Variants in MDGA2 observed in about 807,000 individuals in gnomAD.
The protein encoded by MDGA2 is MAM domain-containing glycosylphosphatidylinositol anchor protein 2.
MDGA2 carries 40 observed loss-of-function variants against 117.8 expected under a neutral mutation model. The ratio of observed to expected loss-of-function variants is 0.34; its 90% confidence interval spans 0.26 to 0.44. The LOEUF (loss-of-function observed/expected upper bound fraction) is 0.44, where lower values mean the gene tolerates loss of function less well. Ranked by LOEUF, MDGA2 falls within the 20% of genes least tolerant of loss-of-function variation. The probability of loss-of-function intolerance (pLI) is 1.00; values close to 1 mark genes in which losing one functional copy is unlikely to be tolerated. For synonymous variants in MDGA2, 452 were observed against 439.0 expected (o/e 1.03, Z -0.37); for missense variants, 1,123 against 1,250.6 (o/e 0.90, Z 1.54).
intron 3 of MDGA2, among the ~76,000 whole-genome samples, chr14:47,179,192 A>T (rs180968726): frequency 2.7e-3 from 404 of 152,204 alleles, no homozygotes; most frequent in South Asian, 5.8e-3. Context: ...AATAATAATT[A>T]AATAATAATT....
chr14:47,105,011 C>T (rs1050631041), intron 5 of MDGA2, among the ~76,000 whole-genome samples: 1 of 152,178 alleles, frequency 6.6e-6, no homozygotes, highest in African/African-American at 2.4e-5. Flanking sequence ...GCACCGGTCA[C>T]GGACTTGGAA....
rs570103742 is a variant in MDGA2 at position 47,400,758 on chromosome 14, CTTT to C, written c.281-99211_281-99209del. On this transcript the variant is annotated intron_variant, in intron 1 of 16. Coordinates refer to ENST00000399232, the MANE Select transcript of MDGA2 (RefSeq NM_001113498.3). ...TTTTCTTTTTCTTTTCTTTTCTTTTCTTTTTTTTTTTTTTTTGAGACGGAGTCT... is the reference window on the plus strand; with the variant it reads ...TTTTCTTTTTCTTTTCTTTTCTTTTCTTTTTTTTTTTTTGAGACGGAGTCT... Among the ~76,000 whole-genome samples the C allele has an allele frequency of 3.3e-3, 217 of 66,204 alleles. 4 individuals carry two copies. The highest frequency in any genetic ancestry group is 0.011 in the African/African-American group (205 of 18,634). 43.4% of individuals were successfully genotyped at this position (66,204 alleles called of 152,430 possible). A position where few individuals can be genotyped will look rare whatever the true frequency, so the allele number is the denominator to read the frequency against.
At chr14:47,268,962 G>A (rs1888056501) in intron 2 of MDGA2, among the ~76,000 whole-genome samples, 1 of 152,062 alleles carries the variant, frequency 6.6e-6, no homozygotes, top group Non-Finnish European at 1.5e-5. Context: ...GGATTATAAA[G>A]TTTTCACAGA....
At chr14:47,115,897 ACTT>A (rs1881303271) in intron 5 of MDGA2, among the ~76,000 whole-genome samples, 1 of 152,160 alleles carries the variant, frequency 6.6e-6, no homozygotes, top group South Asian at 2.1e-4. Context: ...TGCTTTCACC[ACTT>A]CTTTTCAACA....
At chr14:47,481,352 T>C (rs1166373638) in intron 1 of MDGA2, among the ~76,000 whole-genome samples, 4 of 152,002 alleles carry the variant, frequency 2.6e-5, no homozygotes, top group Non-Finnish European at 5.9e-5. Flanking sequence ...TACACCGGTT[T>C]ACGGGAAATG....
At chr14:47,142,539 C>A (rs1882767360) in intron 4 of MDGA2, among the ~76,000 whole-genome samples, 1 of 152,132 alleles carries the variant, frequency 6.6e-6, no homozygotes, top group South Asian at 2.1e-4. Flanking sequence ...TAAATGTTAT[C>A]ATGTTTTACA....
At chr14:47,249,568 C>T (rs1396241930) in intron 2 of MDGA2, among the ~76,000 whole-genome samples, 2 of 152,088 alleles carry the variant, frequency 1.3e-5, no homozygotes, top group East Asian at 3.9e-4. Flanking sequence ...TTCAGCAATC[C>T]ACCCACTTCA....
intron 10 of MDGA2, among the ~76,000 whole-genome samples, chr14:46,917,808 T>C (rs1254627011): frequency 1.3e-5 from 2 of 152,290 alleles, no homozygotes; most frequent in East Asian, 3.9e-4. Flanking sequence ...GAAGACTTTG[T>C]CACTGGAAAA....
chr14:47,270,760 T>A (rs1404751733), intron 2 of MDGA2, among the ~76,000 whole-genome samples: 1 of 151,914 alleles, frequency 6.6e-6, no homozygotes, highest in Non-Finnish European at 1.5e-5. Context: ...GAATAGGCTG[T>A]ATGTAAGCGT....
chr14:47,083,699 A>G lies in MDGA2; in HGVS notation c.1195+13155T>C, dbSNP rs546318976. Among the ~76,000 whole-genome samples the G allele has an allele frequency of 2.0e-5, 3 of 152,232 alleles. No individual in the cohort carries two copies. In the East Asian group the frequency reaches 5.8e-4, roughly 29 times the overall value. ...TATTATCTATAAGAAATTCATTTCA[A>G]ATATAATGATATAGGTAGGTTAAAA... On this transcript the variant is annotated intron_variant, in intron 6 of 16. Coordinates refer to ENST00000399232, the MANE Select transcript of MDGA2 (RefSeq NM_001113498.3).
chr14:46,849,803 A>G (rs538110866), intron 15 of MDGA2, among the ~76,000 whole-genome samples: 117 of 151,874 alleles, frequency 7.7e-4, no homozygotes, highest in Admixed American at 2.3e-3. Flanking sequence ...ATTTATTTCC[A>G]TCATTATTTT....
rs530814817 is a variant in MDGA2 at position 47,357,327 on chromosome 14, C to G, written c.281-55777G>C. On this transcript the variant is annotated intron_variant, in intron 1 of 16. Coordinates refer to ENST00000399232, the MANE Select transcript of MDGA2 (RefSeq NM_001113498.3). ...GGGGGGTTTGCATGCCATGAGATCA[C>G]CCTAAAAAAATTTCACCCTATCATC... is the stretch of plus-strand genomic sequence containing the variant. Among the ~76,000 whole-genome samples the G allele has an allele frequency of 1.9e-3, 284 of 152,266 alleles. 3 individuals are homozygous for G. The highest frequency in any genetic ancestry group is 6.6e-3 in the African/African-American group (274 of 41,544).
chr14:47,278,299 T>TTATAAAATTTAAATA (rs1888369964), intron 2 of MDGA2, among the ~76,000 whole-genome samples: 1 of 152,148 alleles, frequency 6.6e-6, no homozygotes, highest in Non-Finnish European at 1.5e-5. Context: ...ATTTTTAAAT[T>TTATAAAATTTAAATA]GACAAATAAT....
At chr14:47,591,822 T>C (rs1379975998) in intron 1 of MDGA2, among the ~76,000 whole-genome samples, 1 of 152,050 alleles carries the variant, frequency 6.6e-6, no homozygotes, top group Non-Finnish European at 1.5e-5. Flanking sequence ...CCTCAGCCAA[T>C]ATCATATTGA....
intron 10 of MDGA2, among the ~76,000 whole-genome samples, chr14:46,893,566 A>ATTT (rs781486912): frequency 1.2e-4 from 19 of 152,170 alleles, no homozygotes; most frequent in Admixed American, 5.9e-4. Context: ...TGAATACGTT[A>ATTT]ATTTGCGAGA....
At position 46,958,627 on chromosome 14, in the gene MDGA2, A is replaced by C. The variant is rs917178056; in HGVS notation, c.1820-984T>G. ...GATGCCTTAGGCAATGAAGTGGATA[A>C]CAGTGTCAGTCATGAAGACAGTGAG... On this transcript the variant is annotated intron_variant, in intron 8 of 16. Coordinates refer to ENST00000399232, the MANE Select transcript of MDGA2 (RefSeq NM_001113498.3). Among the ~76,000 whole-genome samples the C allele has an allele frequency of 7.2e-5, 11 of 152,334 alleles. No individual in the cohort carries two copies. In the East Asian group the frequency reaches 2.1e-3, roughly 29 times the overall value.
chr14:47,230,710 C>T (rs1430625716), intron 2 of MDGA2, among the ~76,000 whole-genome samples: 1 of 151,912 alleles, frequency 6.6e-6, no homozygotes, highest in East Asian at 1.9e-4. Flanking sequence ...ATGACCTTTA[C>T]ATCTGTCAGT....
At chr14:47,329,631 C>G (rs1890238348) in intron 1 of MDGA2, among the ~76,000 whole-genome samples, 1 of 151,958 alleles carries the variant, frequency 6.6e-6, no homozygotes, top group Non-Finnish European at 1.5e-5. Context: ...ATCTTCTGCT[C>G]TCCAAGAAAT....
intron 1 of MDGA2, among the ~76,000 whole-genome samples, chr14:47,472,055 T>G (rs933117469): frequency 2.0e-5 from 3 of 152,160 alleles, no homozygotes; most frequent in Admixed American, 2.0e-4. Context: ...TTCTTCCTTT[T>G]AATTGTAAGA....
Sources: gnomAD v4.1 joint callset for allele counts (sites outside exome capture counted in the v4.1 genomes callset) on GRCh38, gnomAD v4.1.1 for gene constraint, MANE v1.5 for transcripts, NCBI Gene and HGNC (gene_info 2026-07-23, HGNC 2026-07-21) for gene names.